The following ANKRD13B variants were observed in gnomAD, a reference collection of about 807,000 sequenced individuals.
The protein encoded by ANKRD13B is ankyrin repeat domain-containing protein 13B.
A neutral mutation model predicts 74.4 loss-of-function variants in ANKRD13B; 33 were observed. The ratio of observed to expected loss-of-function variants is 0.44; its 90% confidence interval spans 0.34 to 0.59. The LOEUF (loss-of-function observed/expected upper bound fraction) is 0.59, where lower values mean the gene tolerates loss of function less well. Among genes scored for constraint, ANKRD13B ranks in the 20% least tolerant of loss-of-function variants. ANKRD13B has a pLI of 0.02. For missense variants in ANKRD13B, 676 were observed against 877.9 expected (o/e 0.77, Z 2.91); for synonymous variants, 341 against 362.9 (o/e 0.94, Z 0.68).
In ANKRD13B at chr17:29,607,834, G is replaced by A. The variant is rs148873780; in HGVS notation, c.207G>A (p.Ala69=). The A allele has an allele frequency of 2.8e-4, 452 of 1,605,062 alleles. 1 individual carries two copies. In the East Asian group the frequency reaches 8.0e-3, roughly 28 times the overall value. ...GHLECARVLL[A]HGADVGRENR... Reference sequence around the variant, plus strand: ...TTGAGTGTGCCCGTGTGCTCCTGGCGCACGGCGCAGACGTGGGCAGGGAGA... The same window carrying A: ...TTGAGTGTGCCCGTGTGCTCCTGGCACACGGCGCAGACGTGGGCAGGGAGA... The change falls in exon 2 of 15, where the codon GCG becomes GCA. Residue 69 remains alanine, a synonymous_variant. Coordinates refer to ENST00000394859, the MANE Select transcript of ANKRD13B (RefSeq NM_152345.5).
chr17:29,597,973 CTTA>C (rs1436225028), intron 1 of ANKRD13B, among the ~76,000 whole-genome samples: 1 of 151,940 alleles, frequency 6.6e-6, no homozygotes, highest in Non-Finnish European at 1.5e-5. Flanking sequence ...TCCCTAGGGT[CTTA>C]TTAGCTGCAG....
chr17:29,605,429 CACACAT>C (rs1209384476), intron 1 of ANKRD13B, among the ~76,000 whole-genome samples: 3 of 151,748 alleles, frequency 2.0e-5, no homozygotes, highest in African/African-American at 7.3e-5. Context: ...CACACACACA[CACACAT>C]ACACACACAC....
intron 1 of ANKRD13B, among the ~76,000 whole-genome samples, chr17:29,601,857 C>T (rs1395398924): frequency 1.3e-5 from 2 of 151,934 alleles, no homozygotes; most frequent in African/African-American, 4.8e-5. Flanking sequence ...TCCTGGCTTA[C>T]ATAGTTTCTG....
At chr17:29,613,278 C>A in intron 14 of ANKRD13B, 76 bp from the exon 15 acceptor site, 1 of 1,389,788 alleles carries the variant, frequency 7.2e-7, no homozygotes, top group East Asian at 2.9e-5. Flanking sequence ...CGCCCTGGAG[C>A]CTCCACGCCG....
At chr17:29,593,899 C>T (rs1401371922) in intron 1 of ANKRD13B, 164 bp downstream of exon 1, 1 of 95,072 alleles carries the variant, frequency 1.1e-5, no homozygotes, top group Admixed American at 1.9e-4. Context: ...AGGGTGATCC[C>T]CTCCGGCCGG....
Position 29,613,936 on chromosome 17 carries a change from C to G in ANKRD13B, c.*354C>G. ...GCGCTGTCCCTATCCCTTGCTCCTT[C>G]TGGCCGGTCCGCATTTCTGTTCACT... On this transcript the variant is annotated 3_prime_UTR_variant, in exon 15 of 15. Coordinates refer to ENST00000394859, the MANE Select transcript of ANKRD13B (RefSeq NM_152345.5). The G allele has an allele frequency of 3.9e-6, 1 of 259,304 alleles. No individual in the cohort carries two copies. Among genetic ancestry groups the G allele is most frequent in the Non-Finnish European group, 7.4e-6 (1 of 135,710 alleles). 16.1% of individuals were successfully genotyped at this position (259,304 alleles called of 1,614,324 possible).
At chr17:29,599,337 A>G (rs1040183859) in intron 1 of ANKRD13B, 7 of 152,038 alleles carry the variant, frequency 4.6e-5, no homozygotes, top group Non-Finnish European at 7.4e-5. Context: ...AACACTTCAC[A>G]GGGTGACTTT....
intron 1 of ANKRD13B, among the ~76,000 whole-genome samples, chr17:29,603,537 A>T (rs2034255246): frequency 6.6e-6 from 1 of 152,250 alleles, no homozygotes; most frequent in Non-Finnish European, 1.5e-5. Context: ...CTGGGACTAT[A>T]GAAGCCCAGC....
In ANKRD13B at chr17:29,606,645, G is replaced by T. The variant is rs889167655; in HGVS notation, c.115-1097G>T. Among the ~76,000 whole-genome samples, 3 of 144,942 alleles carry T rather than the reference G, an allele frequency of 2.1e-5. No homozygotes were observed. The Admixed American group carries it at 2.1e-4, about 10-fold the overall frequency. ...GGTGCAGGGGCTTGTAATCCCAGCT[G>T]CTTGGGAGGCTGAAACAGGAGGATT... On this transcript the variant is annotated intron_variant, in intron 1 of 14. Transcript: ENST00000394859.
chr17:29,612,637 C>T lies in ANKRD13B; in HGVS notation c.1412-15C>T, dbSNP rs2034631577. 5.9e-6 allele frequency: 9 copies of T among 1,527,254 alleles called. No homozygotes were observed. The highest frequency in any genetic ancestry group is 1.3e-5 in the South Asian group (1 of 79,740). The allele number at this position is 1,527,254 out of a possible 1,614,324, so 94.6% of individuals were successfully genotyped here. On this transcript the variant is annotated splice_polypyrimidine_tract_variant and intron_variant, in intron 12 of 14. Coordinates refer to ENST00000394859, the MANE Select transcript of ANKRD13B (RefSeq NM_152345.5). This position sits in a 1 kb window ranked among gnomAD's most constrained non-coding sequence, Gnocchi z 6.1. ...GCGCGCCCGGCCGTGCCTGACCCAG[C>T]CCCCGCGCCCCCAGCCTCCTGCCGC...
At chr17:29,602,724 T>G (rs936189501) in intron 1 of ANKRD13B, among the ~76,000 whole-genome samples, 1 of 152,176 alleles carries the variant, frequency 6.6e-6, no homozygotes, top group Non-Finnish European at 1.5e-5. Context: ...TGAAATAAGG[T>G]CTCATTCATA....
In ANKRD13B at chr17:29,614,083, G is replaced by A. The variant is rs945228648; in HGVS notation, c.*501G>A. 6.5e-6 allele frequency: 1 copy of A among 153,726 alleles called. No individual in the cohort carries two copies. Among genetic ancestry groups the A allele is most frequent in the African/African-American group, 2.4e-5 (1 of 41,464 alleles). The allele number at this position is 153,726 out of a possible 1,614,324, so 9.5% of individuals were successfully genotyped here. A position where few individuals can be genotyped will look rare whatever the true frequency, so the allele number is the denominator to read the frequency against. ...TTCCAGACACAAACCAGCACGTCTAGGGCCCAGCCCCTCCCCCACCCCGGC... is the reference window on the plus strand; with the variant it reads ...TTCCAGACACAAACCAGCACGTCTAAGGCCCAGCCCCTCCCCCACCCCGGC... On this transcript the variant is annotated 3_prime_UTR_variant, in exon 15 of 15. Coordinates refer to ENST00000394859, the MANE Select transcript of ANKRD13B (RefSeq NM_152345.5).
Position 29,612,513 on chromosome 17 carries a change from C to A in ANKRD13B, c.1370C>A (p.Pro457Gln). The A allele has an allele frequency of 6.3e-7, 1 of 1,576,394 alleles. No individual in the cohort carries two copies. Among genetic ancestry groups the A allele is most frequent in the East Asian group, 2.3e-5 (1 of 42,820 alleles). Residue 457 changes from proline to glutamine, a missense_variant, in exon 12 of 15, where the codon CCA (proline) becomes CAA (glutamine). By Grantham distance (76) the Pro-to-Gln change is moderately conservative. This residue lies in a region of ANKRD13B where 152 missense variants were observed against 181.4 expected (regional missense o/e 0.84). Transcript: ENST00000394859. This position sits in a 1 kb window ranked among gnomAD's most constrained non-coding sequence, Gnocchi z 6.1. ...AGCCCCAGCAGCGAGACGCCTTCCC[C>A]AGGCAGCGACTCCTCCAGCGTCAGC... ...RGSPSSETPSPGSDSSSVSSS... is the reference protein window; with the variant it reads ...RGSPSSETPSQGSDSSSVSSS...
At chr17:29,605,664 T>C (rs1263445833) in intron 1 of ANKRD13B, among the ~76,000 whole-genome samples, 2 of 152,136 alleles carry the variant, frequency 1.3e-5, no homozygotes, top group African/African-American at 4.8e-5. Flanking sequence ...AGATGGGGTT[T>C]TGCCATATTG....
Position 29,600,980 on chromosome 17 carries a change from A to G in ANKRD13B, c.115-6762A>G, listed in dbSNP as rs2034154972. ...GGCTTTGTTGCCTAGGCTGGAGTGC[A>G]GTGGGATGATCTCTGCTCACTGCAA... On this transcript the variant is annotated intron_variant, in intron 1 of 14. Transcript: ENST00000394859. Among the ~76,000 whole-genome samples the G allele has an allele frequency of 2.8e-5, 4 of 140,560 alleles. No individual in the cohort carries two copies. The Admixed American group carries it at 3.0e-4, about 11-fold the overall frequency. 92.2% of individuals were successfully genotyped at this position (140,560 alleles called of 152,430 possible).
rs147534314 is a variant in ANKRD13B, at chr17:29,609,097, G to A, written c.577G>A (p.Val193Met). The A allele has an allele frequency of 3.1e-5, 50 of 1,610,598 alleles. 1 individual carries two copies. In the South Asian group the frequency reaches 3.4e-4, roughly 11 times the overall value. ...FVFRGQDTSA[V>M]VMEIDHDRRV... The stretch of plus-strand genomic sequence containing the variant: ...TCCGTGTCTGGCAGACACAAGCGCC[G>A]TGGTCATGGAGATTGACCACGACCG... Residue 193 changes from valine (V) to methionine (M), a missense_variant, in exon 6 of 15, where the codon GTG (valine) becomes ATG (methionine). Val to Met is a conservative substitution (Grantham distance 21, BLOSUM62 1). This residue lies in a region of ANKRD13B where 328 missense variants were observed against 518.4 expected (regional missense o/e 0.63). Coordinates refer to ENST00000394859, the MANE Select transcript of ANKRD13B (RefSeq NM_152345.5). The surrounding 1 kb of genome is among the most constrained non-coding windows in gnomAD (Gnocchi z 4.0).
chr17:29,611,540 G>T lies in ANKRD13B; in HGVS notation c.905-39G>T. 6.2e-7 allele frequency: 1 copy of T among 1,601,838 alleles called. No individual in the cohort carries two copies. The highest frequency in any genetic ancestry group is 8.6e-7 in the Non-Finnish European group (1 of 1,168,938). On this transcript the variant is annotated intron_variant, in intron 8 of 14. Transcript: ENST00000394859. The surrounding 1 kb of genome is among the most constrained non-coding windows in gnomAD (Gnocchi z 4.3). Reference sequence around the variant, plus strand: ...TCTGATGAGGTGCCCAGGTGTGTGTGGAGTTGCGGTGTCCTCTGAGATGCC... The same window carrying T: ...TCTGATGAGGTGCCCAGGTGTGTGTTGAGTTGCGGTGTCCTCTGAGATGCC...
At position 29,608,726 on chromosome 17, in the gene ANKRD13B, G is replaced by A. The variant is rs1433024147; in HGVS notation, c.422-125G>A. ...CCAGGGAGGGGGTTTTGGAGGAGAG[G>A]CTGCTCTCTCTTCAGTTCCCTCCCC... On this transcript the variant is annotated intron_variant, in intron 4 of 14. Coordinates refer to ENST00000394859, the MANE Select transcript of ANKRD13B (RefSeq NM_152345.5). This position sits in a 1 kb window ranked among gnomAD's most constrained non-coding sequence, Gnocchi z 6.4. 7.5e-6 allele frequency: 10 copies of A among 1,330,140 alleles called. No individual in the cohort carries two copies. The highest frequency in any genetic ancestry group is 1.5e-5 in the African/African-American group (1 of 67,804). The allele number at this position is 1,330,140 out of a possible 1,614,324, so 82.4% of individuals were successfully genotyped here. A position where few individuals can be genotyped will look rare whatever the true frequency, so the allele number is the denominator to read the frequency against.
chr17:29,609,545 T>G lies in ANKRD13B; in HGVS notation c.822+124T>G, dbSNP rs2034505931. The G allele has an allele frequency of 1.7e-6, 2 of 1,188,506 alleles. No homozygotes were observed. The highest frequency in any genetic ancestry group is 3.1e-5 in the African/African-American group (2 of 65,490). 73.6% of individuals were successfully genotyped at this position (1,188,506 alleles called of 1,614,324 possible). ...GAAGCAATGCAGCGTGGTCAAGCACTTATATTTGGGTTCAAGGCACTTCTC... is the reference window on the plus strand; with the variant it reads ...GAAGCAATGCAGCGTGGTCAAGCACGTATATTTGGGTTCAAGGCACTTCTC... On this transcript the variant is annotated intron_variant, in intron 7 of 14. Transcript: ENST00000394859. The surrounding 1 kb of genome is among the most constrained non-coding windows in gnomAD (Gnocchi z 4.0).
Sources: allele counts gnomAD v4.1 joint callset (sites outside exome capture counted in the v4.1 genomes callset), GRCh38; gene constraint gnomAD v4.1.1; regional missense constraint gnomAD v4.1.1; non-coding constraint Gnocchi (gnomAD v3.1); transcripts MANE v1.5; gene names NCBI Gene and HGNC (gene_info 2026-07-23, HGNC 2026-07-21).